Variants in EPM2A observed in about 807,000 individuals in gnomAD.
The protein encoded by EPM2A is EPM2A glucan phosphatase, laforin.
EPM2A carries 21 observed loss-of-function variants against 26.5 expected under a neutral mutation model. The ratio of observed to expected loss-of-function variants is 0.79; its 90% CI spans 0.56 to 1.14. The LOEUF (loss-of-function observed/expected upper bound fraction) is 1.14, where lower values mean the gene tolerates loss of function less well. EPM2A is among the 50% of genes most tolerant of loss of function. EPM2A has a pLI of 0.00. For missense variants in EPM2A, 458 were observed against 440.8 expected (o/e 1.04, Z -0.35); for synonymous variants, 217 against 177.6 (o/e 1.22, Z -1.76).
At chr6:145,532,310 AG>A (rs1780369800) in intron 2 of EPM2A, among the ~76,000 whole-genome samples, 1 of 152,202 alleles carries the variant, frequency 6.6e-6, no homozygotes, top group African/African-American at 2.4e-5. Context: ...TCTTCTTGAA[AG>A]GCTGGAAGGT....
chr6:145,631,346 A>T (rs1473464472), intron 3 of EPM2A: 1 of 152,182 alleles, frequency 6.6e-6, no homozygotes, highest in Admixed American at 6.5e-5. Context: ...TAAAAACAAT[A>T]AAACCTCAAG....
intron 3 of EPM2A, chr6:145,629,887 C>G (rs909729585): frequency 6.6e-6 from 1 of 152,234 alleles, no homozygotes; most frequent in Non-Finnish European, 1.5e-5. Context: ...GACTCAGAAT[C>G]CCAGCCCCTG....
intron 1 of EPM2A, among the ~76,000 whole-genome samples, chr6:145,695,458 G>T (rs1346878527): frequency 1.3e-5 from 2 of 151,950 alleles, no homozygotes; most frequent in Non-Finnish European, 2.9e-5. Context: ...TAATTACCTT[G>T]AGTGGAAATG....
intron 2 of EPM2A, among the ~76,000 whole-genome samples, chr6:145,583,194 G>A (rs1582874397): frequency 6.6e-6 from 1 of 152,262 alleles, no homozygotes; most frequent in Admixed American, 6.5e-5. Flanking sequence ...CCATTGCTGT[G>A]GAACTAGTGT....
chr6:145,450,452 C>A (rs944742327), intron 4 of EPM2A, among the ~76,000 whole-genome samples: 13 of 152,024 alleles, frequency 8.6e-5, no homozygotes, highest in Non-Finnish European at 1.8e-4. Flanking sequence ...GAACTCCCCT[C>A]CTAAGCATTT....
At chr6:145,451,053 C>T (rs554328974) in intron 4 of EPM2A, among the ~76,000 whole-genome samples, 2 of 152,170 alleles carry the variant, frequency 1.3e-5, no homozygotes, top group Non-Finnish European at 2.9e-5. Context: ...GTCAGCCTCT[C>T]ACTTCAAGAA....
chr6:145,672,673 T>C (rs1251786398), intron 2 of EPM2A, among the ~76,000 whole-genome samples: 1 of 152,150 alleles, frequency 6.6e-6, no homozygotes, highest in Non-Finnish European at 1.5e-5. Flanking sequence ...GTTAAAGAAG[T>C]CTCTGGACTG....
chr6:145,491,784 C>T (rs1253769790), intron 4 of EPM2A: 3 of 533,632 alleles, frequency 5.6e-6, no homozygotes, highest in African/African-American at 3.9e-5. Context: ...GCTTTCCATA[C>T]ATCATTGGCT....
At chr6:145,631,871 TCA>T (rs1554256529) in intron 3 of EPM2A, 7,573 of 72,716 alleles carry the variant, frequency 0.1, 607 homozygotes, top group African/African-American at 0.27. Context: ...TCTCTCTCTC[TCA>T]CACACACACA....
intron 1 of EPM2A, among the ~76,000 whole-genome samples, chr6:145,696,462 T>C (rs1002748707): frequency 1.3e-5 from 2 of 152,184 alleles, no homozygotes; most frequent in African/African-American, 4.8e-5. Flanking sequence ...TGAAGTGATA[T>C]GTGTTAATTA....
At chr6:145,691,162 A>C (rs1199031590) in intron 1 of EPM2A, among the ~76,000 whole-genome samples, 1 of 152,202 alleles carries the variant, frequency 6.6e-6, no homozygotes, top group Non-Finnish European at 1.5e-5. Context: ...CAGGTGAGCA[A>C]AGTCCAAACA....
chr6:145,541,203 G>GTC (rs1780505191), intron 2 of EPM2A, among the ~76,000 whole-genome samples: 1 of 130,356 alleles, frequency 7.7e-6, no homozygotes, highest in Non-Finnish European at 1.7e-5. Flanking sequence ...GTGTGTGTGT[G>GTC]TGTGTGTACC....
At chr6:145,711,663 A>G (rs867652479) in intron 1 of EPM2A, among the ~76,000 whole-genome samples, 1 of 152,208 alleles carries the variant, frequency 6.6e-6, no homozygotes, top group Middle Eastern at 3.2e-3. Flanking sequence ...GATAAATGAT[A>G]GTATTAGAGT....
intron 4 of EPM2A, among the ~76,000 whole-genome samples, chr6:145,459,072 A>G (rs1198329006): frequency 1.3e-5 from 2 of 152,134 alleles, no homozygotes; most frequent in Non-Finnish European, 2.9e-5. Flanking sequence ...ATTGCTCACC[A>G]CTTATTAAAA....
chr6:145,567,850 G>A (rs191583718), intron 2 of EPM2A, among the ~76,000 whole-genome samples: 1 of 152,196 alleles, frequency 6.6e-6, no homozygotes, highest in African/African-American at 2.4e-5. Context: ...CGGCTCTGCT[G>A]TCTTTGTGCA....
chr6:145,389,927 A>G (rs776266397), intron 4 of EPM2A, among the ~76,000 whole-genome samples: 4 of 152,240 alleles, frequency 2.6e-5, no homozygotes, highest in Admixed American at 6.5e-5. Context: ...TATTCTCATG[A>G]TGGAACAAAA....
At chr6:145,608,803 C>T (rs1051796176) in intron 2 of EPM2A, among the ~76,000 whole-genome samples, 1 of 152,112 alleles carries the variant, frequency 6.6e-6, no homozygotes, top group Admixed American at 6.6e-5. Context: ...GAGCCAGCTC[C>T]CATTATAAGC....
intron 1 of EPM2A, among the ~76,000 whole-genome samples, chr6:145,689,758 C>A (rs1583060609): frequency 6.6e-6 from 1 of 152,314 alleles, no homozygotes; most frequent in Admixed American, 6.5e-5. Flanking sequence ...TTTTGTTTGC[C>A]AAGCTGTATT....
chr6:145,487,089 G>T (rs1779687910), intron 4 of EPM2A, among the ~76,000 whole-genome samples: 1 of 152,066 alleles, frequency 6.6e-6, no homozygotes, highest in Non-Finnish European at 1.5e-5. Context: ...TGAGAACGTT[G>T]TACTTGATTT....
Sources: gnomAD v4.1 joint callset for allele counts (sites outside exome capture counted in the v4.1 genomes callset) on GRCh38, gnomAD v4.1.1 for gene constraint, MANE v1.5 for transcripts, NCBI Gene and HGNC (gene_info 2026-07-23, HGNC 2026-07-21) for gene names.